Variants in RALGAPA2 observed in about 807,000 individuals in gnomAD.
RALGAPA2 encodes the protein ral GTPase-activating protein subunit alpha-2.
Under a neutral mutation model 230.4 loss-of-function variants are expected in RALGAPA2, and 139 were observed. The ratio of observed to expected loss-of-function variants is 0.60; its 90% CI spans 0.53 to 0.69. The LOEUF is 0.69. Ranked by LOEUF, RALGAPA2 falls within the 30% of genes least tolerant of loss-of-function variation. RALGAPA2 has a pLI of 0.00. For synonymous variants in RALGAPA2, 847 were observed against 837.8 expected, an observed-to-expected ratio of 1.01 and a Z score of -0.19; for missense variants, 2,163 against 2,276.0, an observed-to-expected ratio of 0.95 and a Z score of 1.01.
rs752680517 is a variant in RALGAPA2 at position 20,513,256 on chromosome 20, G to C, written c.4113C>G (p.Ile1371Met). Residue 1371 changes from isoleucine to methionine, a missense_variant, in exon 32 of 40, where the codon ATC (isoleucine) becomes ATG (methionine). Coordinates refer to ENST00000202677, the MANE Select transcript of RALGAPA2 (RefSeq NM_020343.4). ...CCATCACCATTCGAGCAGTCAAAGGGATCAACTCCAAACTTCTTCTCTTCT... is the reference window on the plus strand; with the variant it reads ...CCATCACCATTCGAGCAGTCAAAGGCATCAACTCCAAACTTCTTCTCTTCT... The part of the protein sequence containing the change: ...EEKKRRSLEL[I>M]PLTARMVMAH... The C allele has an allele frequency of 2.2e-5, 32 of 1,481,980 alleles. No homozygotes were observed. The Admixed American group carries it at 2.9e-4, about 14-fold the overall frequency. The allele number at this position is 1,481,980 out of a possible 1,614,324, so 91.8% of individuals were successfully genotyped here.
In RALGAPA2 at chr20:20,611,464, T is replaced by C. The variant is rs780274202; in HGVS notation, c.1689-38A>G. The C allele has an allele frequency of 2.7e-5, 43 of 1,601,588 alleles. 1 individual carries two copies. In the East Asian group the frequency reaches 7.8e-4, roughly 29 times the overall value. ...AAATAAAAGCTCATATTAATAATCA[T>C]GTCTCCAAAGCACTTTAATTTATAG... On this transcript the variant is annotated intron_variant, in intron 13 of 39. Coordinates refer to ENST00000202677, the MANE Select transcript of RALGAPA2 (RefSeq NM_020343.4).
intron 1 of RALGAPA2, among the ~76,000 whole-genome samples, chr20:20,700,203 G>A (rs2069292998): frequency 6.6e-6 from 1 of 152,100 alleles, no homozygotes; most frequent in Non-Finnish European, 1.5e-5. Context: ...AATTAATGCA[G>A]GAACTGAAAA....
chr20:20,503,261 T>C (rs918861294), intron 35 of RALGAPA2, 90 bp downstream of exon 35: 41 of 1,189,448 alleles, frequency 3.4e-5, no homozygotes, highest in African/African-American at 9.5e-5. Context: ...ACCATCTCAG[T>C]GTGCGTTCTA....
chr20:20,588,908 T>C (rs777981566), intron 18 of RALGAPA2, among the ~76,000 whole-genome samples: 13 of 152,296 alleles, frequency 8.5e-5, no homozygotes, highest in Non-Finnish European at 1.6e-4. Context: ...TCTTTGTGAA[T>C]ACTCACTGAT....
intron 23 of RALGAPA2, among the ~76,000 whole-genome samples, chr20:20,561,412 T>C (rs1188208337): frequency 6.6e-6 from 1 of 152,250 alleles, no homozygotes; most frequent in Non-Finnish European, 1.5e-5. Context: ...TCCTGCCTCC[T>C]TTCATACATA....
intron 1 of RALGAPA2, among the ~76,000 whole-genome samples, chr20:20,690,325 C>T (rs765410381): frequency 4.6e-5 from 7 of 152,134 alleles, no homozygotes; most frequent in Non-Finnish European, 8.8e-5. Context: ...CAAGACCCCC[C>T]ATTCCCTCCT....
At chr20:20,629,850 T>C (rs2066613041) in intron 9 of RALGAPA2, among the ~76,000 whole-genome samples, 1 of 152,216 alleles carries the variant, frequency 6.6e-6, no homozygotes, top group South Asian at 2.1e-4. Context: ...GCTGTGAAAT[T>C]TTCCCAATCT....
chr20:20,541,482 C>T (rs1253490724), intron 24 of RALGAPA2, among the ~76,000 whole-genome samples: 1 of 152,200 alleles, frequency 6.6e-6, no homozygotes, highest in Non-Finnish European at 1.5e-5. Flanking sequence ...AACACAAGCA[C>T]TGTGATATCA....
intron 3 of RALGAPA2, chr20:20,659,878 T>C (rs1257203173): frequency 1.2e-5 from 6 of 506,704 alleles, no homozygotes; most frequent in Non-Finnish European, 1.9e-5. Context: ...TCCCCTACAG[T>C]ACAACTACAC....
chr20:20,463,397 G>A (rs1020668257), intron 37 of RALGAPA2, among the ~76,000 whole-genome samples: 2 of 152,026 alleles, frequency 1.3e-5, no homozygotes, highest in Admixed American at 6.6e-5. Flanking sequence ...CTTTGTACCC[G>A]CTTTTGATAA....
intron 13 of RALGAPA2, among the ~76,000 whole-genome samples, chr20:20,614,552 C>A (rs2066075342): frequency 6.6e-6 from 1 of 152,094 alleles, no homozygotes; most frequent in Non-Finnish European, 1.5e-5. Context: ...GTAATATTTC[C>A]AGTTTTAACA....
intron 23 of RALGAPA2, among the ~76,000 whole-genome samples, chr20:20,553,612 T>C (rs1198480722): frequency 6.6e-6 from 1 of 151,980 alleles, no homozygotes; most frequent in Non-Finnish European, 1.5e-5. Flanking sequence ...AGAACTGCCA[T>C]GAAGAAGACA....
chr20:20,627,297 A>G (rs144667463), intron 10 of RALGAPA2, among the ~76,000 whole-genome samples: 1 of 152,290 alleles, frequency 6.6e-6, no homozygotes, highest in East Asian at 1.9e-4. Context: ...TTAAGATGCA[A>G]ACATGAATAC....
intron 33 of RALGAPA2, among the ~76,000 whole-genome samples, chr20:20,508,128 A>C (rs2062588913): frequency 1.3e-5 from 2 of 152,236 alleles, no homozygotes; most frequent in South Asian, 4.1e-4. Context: ...GGGCTGACCA[A>C]TGTGAGTGTG....
chr20:20,571,701 G>C, intron 22 of RALGAPA2, 88 bp from the exon 23 acceptor site: 9 of 1,502,134 alleles, frequency 6.0e-6, no homozygotes, highest in Non-Finnish European at 8.1e-6. Flanking sequence ...TTCCTTAAGA[G>C]TTGTTTATGG....
chr20:20,513,719 A>G (rs1416613752), intron 31 of RALGAPA2, among the ~76,000 whole-genome samples: 1 of 152,180 alleles, frequency 6.6e-6, no homozygotes, highest in Non-Finnish European at 1.5e-5. Flanking sequence ...AGGTGCTGAG[A>G]GGAAAAGACA....
chr20:20,423,085 AC>A (rs1260638686), intron 37 of RALGAPA2, among the ~76,000 whole-genome samples: 1 of 152,186 alleles, frequency 6.6e-6, no homozygotes, highest in Non-Finnish European at 1.5e-5. Context: ...TGCAGGGCAG[AC>A]CCAGCTGGAC....
chr20:20,422,740 T>C (rs1187024704), intron 37 of RALGAPA2, among the ~76,000 whole-genome samples: 2 of 152,308 alleles, frequency 1.3e-5, no homozygotes, highest in African/African-American at 4.8e-5. Flanking sequence ...CATTTAAGCA[T>C]GGAAGACACA....
intron 35 of RALGAPA2, 123 bp from the exon 36 acceptor site, chr20:20,495,398 C>A: frequency 2.7e-6 from 2 of 739,826 alleles, no homozygotes; most frequent in Non-Finnish European, 4.1e-6. Flanking sequence ...AAAAAGGCTA[C>A]AACATTGATG....
Sources: allele counts gnomAD v4.1 joint callset (sites outside exome capture counted in the v4.1 genomes callset), GRCh38; gene constraint gnomAD v4.1.1; transcripts MANE v1.5; gene names NCBI Gene and HGNC (gene_info 2026-07-23, HGNC 2026-07-21).